The following NAV3 variants were observed in gnomAD, a reference collection of about 807,000 sequenced individuals.
NAV3 encodes the protein neuron navigator 3.
In NAV3, 87 loss-of-function variants were observed where a neutral mutation model predicts 244.7. The ratio of observed to expected loss-of-function variants is 0.36; its 90% CI spans 0.30 to 0.42. NAV3 has a LOEUF of 0.42. Ranked by LOEUF, NAV3 falls within the 20% of genes least tolerant of loss-of-function variation. NAV3 has a pLI of 1.00. For missense variants in NAV3, 2,663 were observed against 2,893.3 expected (o/e 0.92, Z 1.83); for synonymous variants, 1,126 against 1,042.2 (o/e 1.08, Z -1.55).
At chr12:77,724,727 C>CA (rs983487118) in intron 2 of NAV3, among the ~76,000 whole-genome samples, 17 of 150,918 alleles carry the variant, frequency 1.1e-4, no homozygotes, top group African/African-American at 3.9e-4. Flanking sequence ...TGACCATGGG[C>CA]AAAAAAAGCA....
intron 1 of NAV3, among the ~76,000 whole-genome samples, chr12:77,848,707 C>A (rs1877021108): frequency 6.6e-6 from 1 of 152,134 alleles, no homozygotes; most frequent in Non-Finnish European, 1.5e-5. Flanking sequence ...TCCATCCTGG[C>A]AGTGGCATAC....
intron 39 of NAV3, 63 bp downstream of exon 39, chr12:78,205,201 T>C (rs1960165996): frequency 6.7e-7 from 1 of 1,497,544 alleles, no homozygotes; most frequent in Non-Finnish European, 9.2e-7. Flanking sequence ...TCATTAATAT[T>C]TAGTTATTTC....
At chr12:78,179,357 G>A (rs2139708407) in intron 28 of NAV3, 172 bp from the exon 29 acceptor site, 1 of 589,320 alleles carries the variant, frequency 1.7e-6, no homozygotes, top group East Asian at 3.2e-5. Flanking sequence ...TTTTGAACCT[G>A]TGAATGCATA....
chr12:78,120,943 G>C (rs191191547), intron 15 of NAV3, among the ~76,000 whole-genome samples: 1 of 152,104 alleles, frequency 6.6e-6, no homozygotes, highest in South Asian at 2.1e-4. Flanking sequence ...TTATTCCTCC[G>C]TAGTAATATT....
chr12:77,983,294 C>T (rs181702773), intron 5 of NAV3, among the ~76,000 whole-genome samples: 1 of 152,226 alleles, frequency 6.6e-6, no homozygotes. Flanking sequence ...AGAGAATGAA[C>T]AGTTTAATGC....
chr12:78,053,233 A>T (rs995060834), intron 11 of NAV3, among the ~76,000 whole-genome samples: 33 of 150,032 alleles, frequency 2.2e-4, no homozygotes, highest in African/African-American at 6.6e-4. Flanking sequence ...ATATATATAT[A>T]ATATATATAT....
chr12:77,690,890 G>T (rs1874980225), intron 2 of NAV3, among the ~76,000 whole-genome samples: 1 of 146,946 alleles, frequency 6.8e-6, no homozygotes, highest in Non-Finnish European at 1.5e-5. Context: ...CTAAGTTTCT[G>T]ATTCTTTAGT....
intron 1 of NAV3, among the ~76,000 whole-genome samples, chr12:77,930,796 T>C (rs1888709103): frequency 6.6e-6 from 1 of 152,188 alleles, no homozygotes; most frequent in African/African-American, 2.4e-5. Context: ...TTATCCCAAC[T>C]GTTGGAAAGT....
chr12:77,676,963 G>C (rs1195713785), intron 2 of NAV3, among the ~76,000 whole-genome samples: 1 of 152,120 alleles, frequency 6.6e-6, no homozygotes, highest in African/African-American at 2.4e-5. Flanking sequence ...TTGAAATGTT[G>C]ACTCTAGATA....
At chr12:77,725,880 C>T (rs1876855089) in intron 2 of NAV3, among the ~76,000 whole-genome samples, 1 of 152,040 alleles carries the variant, frequency 6.6e-6, no homozygotes, top group Admixed American at 6.6e-5. Context: ...AAAGGCTGCC[C>T]TGTCTCTTGG....
intron 2 of NAV3, among the ~76,000 whole-genome samples, chr12:77,782,105 TC>T: frequency 6.6e-6 from 1 of 152,304 alleles, no homozygotes; most frequent in East Asian, 1.9e-4. Context: ...TTTCTTAGAT[TC>T]CTAAAAGTCT....
rs558499534 is a variant in NAV3 at position 77,823,744 on chromosome 12, T to C, written c.73-116575T>C. Among the ~76,000 whole-genome samples the C allele has an allele frequency of 2.6e-5, 4 of 152,228 alleles. No homozygotes were observed. The East Asian group carries it at 5.8e-4, about 22-fold the overall frequency. ...TATTACCAGGCATGTTAAAAAGCAA[T>C]GTGACATGACTCATATCCAGGAGGG... is the stretch of plus-strand genomic sequence containing the variant. On this transcript the variant is annotated intron_variant, in intron 2 of 8. Coordinates refer to the NAV3 transcript ENST00000550042.
intron 9 of NAV3, among the ~76,000 whole-genome samples, chr12:78,028,319 G>C (rs902916900): frequency 4.6e-5 from 7 of 152,130 alleles, no homozygotes; most frequent in African/African-American, 1.7e-4. Flanking sequence ...TCAATAGGCT[G>C]GTTGTGGAAA....
chr12:78,131,428 C>T (rs34039831), intron 18 of NAV3, among the ~76,000 whole-genome samples: 1 of 152,206 alleles, frequency 6.6e-6, no homozygotes, highest in African/African-American at 2.4e-5. Context: ...AGCGAAAAGC[C>T]TAACACTTTA....
In NAV3 at chr12:78,017,694, G is replaced by C. The variant is rs769261086; in HGVS notation, c.1908-4053G>C. Among the ~76,000 whole-genome samples the C allele has an allele frequency of 3.9e-5, 6 of 152,238 alleles. No individual in the cohort carries two copies. In the East Asian group the frequency reaches 1.2e-3, roughly 29 times the overall value. ...CATTATTCACTATATCTGTCAAAATGTACTTTCTGATTAGAAAACACTCTT... is the reference window on the plus strand; with the variant it reads ...CATTATTCACTATATCTGTCAAAATCTACTTTCTGATTAGAAAACACTCTT... On this transcript the variant is annotated intron_variant, in intron 8 of 39. Coordinates refer to ENST00000397909, the MANE Select transcript of NAV3 (RefSeq NM_001024383.2).
At chr12:78,097,464 T>G (rs776022048) in intron 12 of NAV3, among the ~76,000 whole-genome samples, 3 of 152,176 alleles carry the variant, frequency 2.0e-5, no homozygotes, top group Non-Finnish European at 4.4e-5. Flanking sequence ...GGCAAACATC[T>G]CTCTAATTCT....
chr12:78,000,276 A>G (rs998580678), intron 7 of NAV3, among the ~76,000 whole-genome samples: 1 of 152,042 alleles, frequency 6.6e-6, no homozygotes, highest in South Asian at 2.1e-4. Context: ...CTGCTCATAT[A>G]AAGCACATTT....
chr12:77,971,729 C>G (rs986228553), intron 5 of NAV3, among the ~76,000 whole-genome samples: 1 of 151,944 alleles, frequency 6.6e-6, no homozygotes, highest in African/African-American at 2.4e-5. Context: ...AAAGTTCTTT[C>G]CAAGTAAATA....
intron 1 of NAV3, among the ~76,000 whole-genome samples, chr12:77,868,755 CAA>C (rs35998964): frequency 1.1e-4 from 11 of 103,652 alleles, no homozygotes; most frequent in Admixed American, 4.3e-4. Context: ...GACTCCATCT[CAA>C]AAAAAAAAAA....
Sources: allele counts gnomAD v4.1 joint callset (sites outside exome capture counted in the v4.1 genomes callset), GRCh38; gene constraint gnomAD v4.1.1; transcripts MANE v1.5; gene names NCBI Gene and HGNC (gene_info 2026-07-23, HGNC 2026-07-21).